Variants in DOCK1 observed in about 807,000 individuals in gnomAD.
DOCK1 encodes dedicator of cytokinesis 1, also known as dedicator of cytokinesis protein 1.
DOCK1 carries 138 observed loss-of-function variants against 262.7 expected under a neutral mutation model. The observed-to-expected ratio is 0.53, with a 90% CI of 0.46 to 0.61. The LOEUF is 0.61. Ranked by LOEUF, DOCK1 falls within the 20% of genes least tolerant of loss-of-function variation. DOCK1 has a pLI of 0.00. For synonymous variants in DOCK1, 866 were observed against 867.4 expected (o/e 1.00, Z 0.03); for missense variants, 1,908 against 2,370.7 (o/e 0.80, Z 4.05).
intron 29 of DOCK1, among the ~76,000 whole-genome samples, chr10:127,316,421 C>T (rs930003318): frequency 3.9e-5 from 6 of 152,078 alleles, no homozygotes; most frequent in African/African-American, 1.2e-4. Context: ...AGGAGAGTAA[C>T]GTTGCTTTTT....
chr10:126,941,555 G>C (rs1233172951), intron 1 of DOCK1, among the ~76,000 whole-genome samples: 6 of 152,288 alleles, frequency 3.9e-5, no homozygotes, highest in Non-Finnish European at 7.3e-5. Flanking sequence ...AGGAGATCGA[G>C]ACCATCCTGG....
chr10:127,137,934 G>T, intron 27 of DOCK1: 1 of 1,614,144 alleles, frequency 6.2e-7, no homozygotes, highest in Non-Finnish European at 8.5e-7. Context: ...GTAAGGCGAA[G>T]GTATGACCTG....
chr10:127,400,997 C>T (rs905067876), intron 38 of DOCK1, among the ~76,000 whole-genome samples: 3 of 152,168 alleles, frequency 2.0e-5, no homozygotes, highest in African/African-American at 7.2e-5. Context: ...ACTTCACTAT[C>T]GTAGATGAGC....
intron 27 of DOCK1, among the ~76,000 whole-genome samples, chr10:127,201,487 G>A (rs1407213604): frequency 6.6e-6 from 1 of 152,202 alleles, no homozygotes; most frequent in Non-Finnish European, 1.5e-5. Context: ...GAAAACCTGA[G>A]CATCGTGAGG....
chr10:126,994,973 C>T (rs2040069454), intron 6 of DOCK1, among the ~76,000 whole-genome samples: 1 of 150,940 alleles, frequency 6.6e-6, no homozygotes, highest in Non-Finnish European at 1.5e-5. Flanking sequence ...ATGGGGCGGC[C>T]CGTCAGAGAC....
intron 27 of DOCK1, among the ~76,000 whole-genome samples, chr10:127,196,330 T>G (rs2057144840): frequency 6.7e-6 from 1 of 148,752 alleles, no homozygotes; most frequent in Admixed American, 6.7e-5. Context: ...CGCGCTCGCT[T>G]GCTCGCGACG....
chr10:127,364,832 C>T (rs77134993), intron 33 of DOCK1, among the ~76,000 whole-genome samples: 2,621 of 150,826 alleles, frequency 0.017, 80 homozygotes, highest in African/African-American at 0.062. Flanking sequence ...CCCTTTCTTC[C>T]TTCTTTCCTC....
chr10:126,935,274 A>G (rs1176122582), intron 1 of DOCK1, among the ~76,000 whole-genome samples: 1 of 152,080 alleles, frequency 6.6e-6, no homozygotes, highest in African/African-American at 2.4e-5. Flanking sequence ...TTGCTTAGTG[A>G]TTGTGTGGCT....
chr10:127,087,619 TC>T (rs896037883), intron 23 of DOCK1, among the ~76,000 whole-genome samples: 6 of 151,984 alleles, frequency 3.9e-5, no homozygotes, highest in African/African-American at 1.5e-4. Context: ...TCAAGAAACA[TC>T]CCCCACTCTT....
intron 19 of DOCK1, among the ~76,000 whole-genome samples, chr10:127,040,011 A>G (rs1438798284): frequency 1.3e-5 from 2 of 152,018 alleles, no homozygotes; most frequent in East Asian, 1.9e-4. Flanking sequence ...CCGCAGCCCA[A>G]TACGTGCAGC....
chr10:127,088,573 C>A (rs2047333396), intron 23 of DOCK1, among the ~76,000 whole-genome samples: 1 of 152,106 alleles, frequency 6.6e-6, no homozygotes, highest in South Asian at 2.1e-4. Context: ...AAGTAACTCA[C>A]AATGTGTTTA....
chr10:127,362,585 T>C (rs1409419248), intron 33 of DOCK1, among the ~76,000 whole-genome samples: 2 of 152,202 alleles, frequency 1.3e-5, no homozygotes, highest in Non-Finnish European at 2.9e-5. Context: ...AGAATTGTGG[T>C]ATTTTGAAAG....
intron 1 of DOCK1, among the ~76,000 whole-genome samples, chr10:126,955,721 A>G (rs1281132206): frequency 2.0e-5 from 3 of 151,996 alleles, no homozygotes; most frequent in African/African-American, 7.3e-5. Flanking sequence ...TTAGTGCCTT[A>G]CCTAGAATCT....
At chr10:126,954,664 C>A (rs892897349) in intron 1 of DOCK1, among the ~76,000 whole-genome samples, 1 of 152,308 alleles carries the variant, frequency 6.6e-6, no homozygotes, top group East Asian at 1.9e-4. Context: ...CTAAGAACTT[C>A]GTGTAAGTAG....
intron 32 of DOCK1, among the ~76,000 whole-genome samples, chr10:127,360,758 A>G (rs1224162337): frequency 6.6e-6 from 1 of 152,110 alleles, no homozygotes; most frequent in African/African-American, 2.4e-5. Flanking sequence ...ACAAGCAAAC[A>G]GGGAAGGAAT....
rs150390833 is a variant in DOCK1, at chr10:127,288,506, G to C, written c.3044+31077G>C. 3.2e-3 allele frequency among the ~76,000 whole-genome samples: 492 copies of C among 151,852 alleles called. 1 individual carries two copies. Among genetic ancestry groups the C allele is most frequent in the African/African-American group, 0.01 (425 of 41,428 alleles). The stretch of plus-strand genomic sequence containing the variant: ...TTTAATTCTCTTTTCCCTGCACCAG[G>C]ATGTAAAGTAAGGAAATACATTTTC... On this transcript the variant is annotated intron_variant, in intron 29 of 51. Transcript: ENST00000623213.
chr10:127,034,125 G>A (rs184324445), intron 18 of DOCK1, among the ~76,000 whole-genome samples: 1 of 152,274 alleles, frequency 6.6e-6, no homozygotes, highest in African/African-American at 2.4e-5. Context: ...CCCGAGGCAT[G>A]TGCAGTGTAT....
At chr10:127,068,923 A>G (rs73374717) in intron 23 of DOCK1, among the ~76,000 whole-genome samples, 6,548 of 152,304 alleles carry the variant, frequency 0.043, 474 homozygotes, top group African/African-American at 0.15. Flanking sequence ...ATGATAACTT[A>G]CTTAACCAGT....
At chr10:127,269,138 C>G (rs772157148) in intron 29 of DOCK1, among the ~76,000 whole-genome samples, 3 of 152,104 alleles carry the variant, frequency 2.0e-5, no homozygotes, top group Non-Finnish European at 4.4e-5. Context: ...TTTCTTCACC[C>G]GTAAATTAGA....
Sources: gnomAD v4.1 joint callset for allele counts (sites outside exome capture counted in the v4.1 genomes callset) on GRCh38, gnomAD v4.1.1 for gene constraint, MANE v1.5 for transcripts, NCBI Gene and HGNC (gene_info 2026-07-23, HGNC 2026-07-21) for gene names.